FN1: variants seen among roughly 807,000 people sequenced by gnomAD.
FN1 encodes fibronectin 1.
FN1 carries 106 observed loss-of-function variants against 297.3 expected under a neutral mutation model. The ratio of observed to expected loss-of-function variants is 0.36; its 90% CI spans 0.30 to 0.42. The LOEUF is 0.42. Ranked by LOEUF, FN1 falls within the 10% of genes least tolerant of loss-of-function variation. FN1 has a pLI of 1.00. For synonymous variants in FN1, 1,149 were observed against 1,152.6 expected (o/e 1.00, Z 0.06); for missense variants, 2,690 against 3,124.9 (o/e 0.86, Z 3.32).
chr2:215,404,314 T>TGTTGG, intron 20 of FN1, 75 bp downstream of exon 20: 1 of 1,376,564 alleles, frequency 7.3e-7, no homozygotes, highest in Non-Finnish European at 1.0e-6. Context: ...TTTTGTTTTG[T>TGTTGG]TTTGTTTTGT....
At chr2:215,407,997 A>C (rs1204393940) in intron 17 of FN1, 111 bp downstream of exon 17, 2 of 754,044 alleles carry the variant, frequency 2.7e-6, no homozygotes, top group Non-Finnish European at 4.6e-6. Flanking sequence ...TCTCCCATAA[A>C]TTATATTGGA....
chr2:215,409,423 G>T, intron 15 of FN1, 140 bp downstream of exon 15: 1 of 810,024 alleles, frequency 1.2e-6, no homozygotes. Flanking sequence ...CCTTCCTCAT[G>T]CCAGAGGGTG....
intron 4 of FN1, 117 bp downstream of exon 4, chr2:215,431,716 T>C (rs187032925): frequency 1.9e-6 from 2 of 1,077,678 alleles, no homozygotes; most frequent in Admixed American, 1.7e-5. Context: ...AAAATTCCCA[T>C]TTCTTTATTG....
At chr2:215,431,297 C>G (rs745481273) in intron 4 of FN1, among the ~76,000 whole-genome samples, 1 of 152,074 alleles carries the variant, frequency 6.6e-6, no homozygotes, top group Non-Finnish European at 1.5e-5. Context: ...AAGACAAAAA[C>G]CTCTAAATTA....
chr2:215,367,778 C>T lies in FN1; in HGVS notation c.7018+85G>A, dbSNP rs534928555. On this transcript the variant is annotated intron_variant, in intron 42 of 45. Coordinates refer to ENST00000354785, the MANE Select transcript of FN1 (RefSeq NM_212482.4). ...TCATGTTTGGAAGAACCTGTGTCTT[C>T]CAAACATGCTTCCTTGGCACATGAG... 39 of 1,374,688 alleles carry T rather than the reference C, an allele frequency of 2.8e-5. No individual in the cohort carries two copies. The African/African-American group carries it at 5.1e-4, about 18-fold the overall frequency. The allele number at this position is 1,374,688 out of a possible 1,614,324, so 85.2% of individuals were successfully genotyped here.
At chr2:215,382,785 T>G (rs1559392054) in intron 31 of FN1, among the ~76,000 whole-genome samples, 2 of 152,138 alleles carry the variant, frequency 1.3e-5, no homozygotes, top group African/African-American at 4.8e-5. Context: ...TCCATATCAC[T>G]AAATAGAACT....
chr2:215,429,182 G>A (rs1258083908), intron 5 of FN1, among the ~76,000 whole-genome samples: 3 of 152,150 alleles, frequency 2.0e-5, no homozygotes, highest in African/African-American at 7.2e-5. Flanking sequence ...TGTAGAGGAT[G>A]CACAATTTCT....
Position 215,436,014 on chromosome 2 carries a change from C to T in FN1, c.-212G>A. On this transcript the variant is annotated 5_prime_UTR_variant, in exon 1 of 46. Coordinates refer to ENST00000354785, the MANE Select transcript of FN1 (RefSeq NM_212482.4). ...AGTTGTGGCTGCAGGTCCCCTCTTC[C>T]CGCTCGCGCCTGGGGTTCCCTCTCC... The T allele has an allele frequency of 9.1e-7, 1 of 1,094,066 alleles. No individual in the cohort carries two copies. The highest frequency in any genetic ancestry group is 1.8e-5 in the South Asian group (1 of 56,970). The allele number at this position is 1,094,066 out of a possible 1,614,324, so 67.8% of individuals were successfully genotyped here.
At chr2:215,361,702 TG>T in intron 45 of FN1, 76 bp from the exon 46 acceptor site, 1 of 1,158,156 alleles carries the variant, frequency 8.6e-7, no homozygotes. Flanking sequence ...TGCGGGGAGG[TG>T]GGGACTCATG....
In FN1 at chr2:215,361,992, T is replaced by C. The variant is rs1290234761; in HGVS notation, c.7339A>G (p.Arg2447Gly). Residue 2447 changes from arginine to glycine, a missense_variant, in exon 45 of 46, where the codon AGA becomes GGA. Physicochemically the swap from Arg to Gly is moderately radical, Grantham distance 125. Coordinates refer to ENST00000354785, the MANE Select transcript of FN1 (RefSeq NM_212482.4). ...TGQSYNQYSQRYHQRTNTNVN... is the reference protein window; with the variant it reads ...TGQSYNQYSQGYHQRTNTNVN... ...ACAGTGTTTGTTCTCTGATGGTATC[T>C]CTGAGAATACTGGTTGTAGGACTGG... 1.9e-6 allele frequency: 3 copies of C among 1,613,896 alleles called. No individual in the cohort carries two copies. The highest frequency in any genetic ancestry group is 2.5e-6 in the Non-Finnish European group (3 of 1,179,946).
chr2:215,407,353 T>G (rs769387433), intron 17 of FN1, 32 bp from the exon 18 acceptor site: 11 of 1,560,632 alleles, frequency 7.0e-6, no homozygotes, highest in Non-Finnish European at 9.7e-6. Flanking sequence ...TAAGATGCAC[T>G]GTTTTCTTTG....
chr2:215,419,339 A>T lies in FN1; in HGVS notation c.1722T>A (p.Asp574Glu), dbSNP rs1245405911. Residue 574 changes from aspartate to glutamate, a missense_variant, in exon 12 of 46, where the codon GAT (aspartate) becomes GAA (glutamate). This residue lies in a region of FN1 where 876 missense variants were observed against 1,058.1 expected (regional missense o/e 0.83). Coordinates refer to ENST00000354785, the MANE Select transcript of FN1 (RefSeq NM_212482.4). ...CACCATGCACATACTTCTCCCATGA[A>T]TCTCCAATTTGATAAAACGTCCCAG... The part of the protein sequence containing the change: ...SETGTFYQIG[D>E]SWEKYVHGVR... 6.2e-7 allele frequency: 1 copy of T among 1,613,506 alleles called. No homozygotes were observed. Among genetic ancestry groups the T allele is most frequent in the Non-Finnish European group, 8.5e-7 (1 of 1,179,392 alleles).
At chr2:215,387,283 A>T (rs1265557271) in intron 27 of FN1, among the ~76,000 whole-genome samples, 2 of 152,148 alleles carry the variant, frequency 1.3e-5, no homozygotes, top group African/African-American at 4.8e-5. Context: ...ATCTTCTGAG[A>T]ATTGACATTT....
chr2:215,386,540 C>G (rs973267673), intron 28 of FN1, 149 bp downstream of exon 28: 3 of 672,210 alleles, frequency 4.5e-6, no homozygotes, highest in South Asian at 2.1e-5. Flanking sequence ...TTTCTCACTT[C>G]CCTCTCCATG....
chr2:215,401,494 A>T (rs943096548), intron 20 of FN1, among the ~76,000 whole-genome samples: 1 of 152,198 alleles, frequency 6.6e-6, no homozygotes, highest in Admixed American at 6.5e-5. Flanking sequence ...AAGGGTATCA[A>T]GTGTGTTCAT....
At chr2:215,418,342 C>A (rs2063725177) in intron 12 of FN1, among the ~76,000 whole-genome samples, 1 of 152,192 alleles carries the variant, frequency 6.6e-6, no homozygotes, top group Admixed American at 6.5e-5. Flanking sequence ...GCTAACACTA[C>A]CTTTGGCCAA....
rs2060395245 is a variant in FN1, at chr2:215,397,177, A to C, written c.3564T>G (p.Thr1188=). 2 of 1,614,012 alleles carry C rather than the reference A, an allele frequency of 1.2e-6. No homozygotes were observed. Among genetic ancestry groups the C allele is most frequent in the East Asian group, 4.5e-5 (2 of 44,884 alleles). The change falls in exon 23 of 46, where the codon ACT becomes ACG. Residue 1188 remains threonine, a synonymous_variant. Transcript: ENST00000354785. ...TCTCCCAGGAGACTGTGAGCACTCCAGTGTCAGGGTTTGCCTCCAGATGCA... is the reference window on the plus strand; with the variant it reads ...TCTCCCAGGAGACTGTGAGCACTCCCGTGTCAGGGTTTGCCTCCAGATGCA... ...TNLHLEANPD[T]GVLTVSWERS... is the part of the protein sequence containing the mutation.
chr2:215,424,066 T>C (rs886518390), intron 8 of FN1, 80 bp downstream of exon 8: 8 of 1,421,906 alleles, frequency 5.6e-6, no homozygotes, highest in Non-Finnish European at 7.9e-6. Context: ...TCAAAATAAA[T>C]GGCTAGAATG....
At chr2:215,398,034 G>T (rs1435512589) in intron 21 of FN1, among the ~76,000 whole-genome samples, 186 bp from the exon 22 acceptor site, 1 of 152,220 alleles carries the variant, frequency 6.6e-6, no homozygotes, top group Admixed American at 6.5e-5. Context: ...GGTGGGGGAG[G>T]TATCTTCCAA....
Sources: allele counts gnomAD v4.1 joint callset (sites outside exome capture counted in the v4.1 genomes callset), GRCh38; gene constraint gnomAD v4.1.1; regional missense constraint gnomAD v4.1.1; transcripts MANE v1.5; gene names NCBI Gene and HGNC (gene_info 2026-07-23, HGNC 2026-07-21).